The following PCDHA2 variants were observed in gnomAD, a reference collection of about 807,000 sequenced individuals.
PCDHA2 encodes the protein protocadherin alpha-2.
In PCDHA2, 58 loss-of-function variants were observed where a neutral mutation model predicts 66.0. The observed-to-expected ratio is 0.88, with a 90% CI of 0.71 to 1.09. The LOEUF (loss-of-function observed/expected upper bound fraction) is 1.09. Ranked by LOEUF, PCDHA2 falls within the 50% of genes least tolerant of loss-of-function variation. The probability of loss-of-function intolerance (pLI) is 0.00; values close to 1 mark genes in which losing one functional copy is unlikely to be tolerated. For synonymous variants in PCDHA2, 634 were observed against 554.0 expected, an observed-to-expected ratio of 1.14 and a Z score of -2.03; for missense variants, 1,267 against 1,242.3, an observed-to-expected ratio of 1.02 and a Z score of -0.30.
intron 1 of PCDHA2, chr5:140,843,306 C>A: frequency 6.3e-7 from 1 of 1,596,008 alleles, no homozygotes; most frequent in Non-Finnish European, 8.6e-7. Flanking sequence ...CTGACCGCCA[C>A]GGCCACGGTT....
At chr5:140,884,656 G>GA (rs1317691755) in intron 1 of PCDHA2, 2 of 1,602,060 alleles carry the variant, frequency 1.2e-6, no homozygotes, top group Non-Finnish European at 1.7e-6. Flanking sequence ...CAGAATGCTT[G>GA]AAAGAGGTAA....
At chr5:140,876,475 A>G (rs1385416022) in intron 1 of PCDHA2, 1 of 1,614,054 alleles carries the variant, frequency 6.2e-7, no homozygotes, top group Non-Finnish European at 8.5e-7. Context: ...AGGTCACAGC[A>G]TGGTCCTGGT....
At chr5:140,801,309 G>A (rs782696520) in intron 1 of PCDHA2, 1 of 1,613,382 alleles carries the variant, frequency 6.2e-7, no homozygotes. Flanking sequence ...CGTCTCTGAG[G>A]AGGCCAAGCA....
At chr5:140,881,336 G>A in intron 1 of PCDHA2, 1 of 985,066 alleles carries the variant, frequency 1.0e-6, no homozygotes, top group Non-Finnish European at 1.2e-6. Context: ...CCAGGACGCC[G>A]ATTCGGGCTA....
At chr5:140,879,483 T>C (rs2153367251) in intron 1 of PCDHA2, among the ~76,000 whole-genome samples, 1 of 152,292 alleles carries the variant, frequency 6.6e-6, no homozygotes, top group Non-Finnish European at 1.5e-5. Context: ...TGATTGGAAA[T>C]ATGGGTCTGG....
chr5:140,843,514 G>T lies in PCDHA2; in HGVS notation c.2388+46162G>T, dbSNP rs2150361625. 18 of 1,595,918 alleles carry T rather than the reference G, an allele frequency of 1.1e-5. 2 individuals carry two copies. Among genetic ancestry groups the T allele is most frequent in the Non-Finnish European group, 1.5e-5 (18 of 1,165,532 alleles). The stretch of plus-strand genomic sequence containing the variant: ...GCTCAGCACTGCCCACTGAGGGCGG[G>T]TGCCGGGCGGGCAAGCCCACTCTGG... On this transcript the variant is annotated intron_variant, in intron 1 of 3. Coordinates refer to ENST00000526136, the MANE Select transcript of PCDHA2 (RefSeq NM_018905.3).
Position 140,883,309 on chromosome 5 carries a change from C to T in PCDHA2, c.2388+85957C>T, listed in dbSNP as rs782264263. The T allele has an allele frequency of 4.3e-6, 7 of 1,613,930 alleles. No individual in the cohort carries two copies. In the Admixed American group the frequency reaches 1.2e-4, roughly 27 times the overall value. ...AAGTACTAGATGTAAATGATAACGCCCCAGAGGTTACCATCACTTCTTTGT... is the reference window on the plus strand; with the variant it reads ...AAGTACTAGATGTAAATGATAACGCTCCAGAGGTTACCATCACTTCTTTGT... On this transcript the variant is annotated intron_variant, in intron 1 of 3. Transcript: ENST00000526136.
At chr5:140,823,208 C>A (rs1767602196) in intron 1 of PCDHA2, 1 of 1,613,840 alleles carries the variant, frequency 6.2e-7, no homozygotes, top group Non-Finnish European at 8.5e-7. Flanking sequence ...ACGGTGTCTG[C>A]ACGGGACGCG....
At chr5:140,915,266 C>T (rs1554196835) in intron 1 of PCDHA2, among the ~76,000 whole-genome samples, 1 of 151,940 alleles carries the variant, frequency 6.6e-6, no homozygotes, top group Non-Finnish European at 1.5e-5. Context: ...TTATTTTTGA[C>T]CAGTTCATCA....
At chr5:140,914,228 C>T (rs2076644066) in intron 1 of PCDHA2, among the ~76,000 whole-genome samples, 1 of 152,084 alleles carries the variant, frequency 6.6e-6, no homozygotes, top group Admixed American at 6.6e-5. Flanking sequence ...AGCTCTAATA[C>T]TATTTGCTTT....
At chr5:140,941,210 T>TCTTC (rs1480454721) in intron 1 of PCDHA2, among the ~76,000 whole-genome samples, 3 of 100,630 alleles carry the variant, frequency 3.0e-5, no homozygotes, top group Non-Finnish European at 5.7e-5. Context: ...TTCCTTTCTT[T>TCTTC]CTTCCTTTCT....
chr5:140,836,376 G>A, intron 1 of PCDHA2: 3 of 1,613,760 alleles, frequency 1.9e-6, no homozygotes, highest in South Asian at 1.1e-5. Context: ...CACAGCCACC[G>A]TGCTGGTGTC....
chr5:140,838,097 T>G (rs1554136886), intron 1 of PCDHA2, among the ~76,000 whole-genome samples: 1 of 147,214 alleles, frequency 6.8e-6, no homozygotes, highest in African/African-American at 2.6e-5. Context: ...TGTGTGTGTG[T>G]GTGTGTGTGT....
At chr5:140,978,711 C>G (rs1306070484) in intron 1 of PCDHA2, among the ~76,000 whole-genome samples, 2 of 152,238 alleles carry the variant, frequency 1.3e-5, no homozygotes, top group Non-Finnish European at 2.9e-5. Flanking sequence ...GTGGCCTTTA[C>G]AAGATTATTA....
intron 1 of PCDHA2, chr5:140,857,657 C>T (rs1207727837): frequency 1.9e-6 from 3 of 1,596,740 alleles, no homozygotes; most frequent in Non-Finnish European, 1.7e-6. Context: ...GGTGAGCGCG[C>T]GCGATGGGGG....
At chr5:140,958,593 A>G (rs1412529643) in intron 1 of PCDHA2, among the ~76,000 whole-genome samples, 2 of 152,214 alleles carry the variant, frequency 1.3e-5, no homozygotes, top group African/African-American at 4.8e-5. Context: ...GCTTATGATA[A>G]TTGGATCAAA....
At chr5:140,848,580 G>C (rs2150413370) in intron 1 of PCDHA2, 5 of 1,595,144 alleles carry the variant, frequency 3.1e-6, no homozygotes, top group African/African-American at 1.3e-5. Context: ...GGTGGGGAGC[G>C]GCCAGCTCCA....
chr5:141,006,503 G>A (rs1163915409), intron 3 of PCDHA2, among the ~76,000 whole-genome samples: 2 of 152,168 alleles, frequency 1.3e-5, no homozygotes, highest in South Asian at 2.1e-4. Context: ...GTGAGCCACC[G>A]CGCCTGGCTG....
intron 1 of PCDHA2, chr5:140,862,885 A>C (rs782336518): frequency 3.5e-6 from 2 of 563,674 alleles, no homozygotes; most frequent in Admixed American, 3.8e-5. Flanking sequence ...TAGTGCTGGA[A>C]CGACAACTTT....
Sources: gnomAD v4.1 joint callset for allele counts (sites outside exome capture counted in the v4.1 genomes callset) on GRCh38, gnomAD v4.1.1 for gene constraint, MANE v1.5 for transcripts, NCBI Gene and HGNC (gene_info 2026-07-23, HGNC 2026-07-21) for gene names.